The following ZCCHC7 variants were observed in gnomAD, a reference collection of about 807,000 sequenced individuals.
The protein encoded by ZCCHC7 is zinc finger CCHC-type containing 7.
A neutral mutation model predicts 52.0 loss-of-function variants in ZCCHC7; 35 were observed. The ratio of observed to expected loss-of-function variants is 0.67; its 90% CI spans 0.51 to 0.89. The LOEUF is 0.89. ZCCHC7 is among the 40% of genes least tolerant of loss of function. The pLI is 0.00. For synonymous variants in ZCCHC7, 217 were observed against 221.5 expected (o/e 0.98, Z 0.18); for missense variants, 574 against 649.1 (o/e 0.88, Z 1.26).
chr9:37,151,821 T>C (rs1436458039), intron 2 of ZCCHC7, among the ~76,000 whole-genome samples: 2 of 152,170 alleles, frequency 1.3e-5, no homozygotes, highest in East Asian at 3.9e-4. Context: ...AAAAAAAATC[T>C]TTTTTCTTCG....
intron 5 of ZCCHC7, chr9:37,326,786 CTAG>C (rs1430493340): frequency 6.6e-6 from 1 of 151,918 alleles, no homozygotes; most frequent in Non-Finnish European, 1.5e-5. Context: ...TTGTTTCAAA[CTAG>C]GTATCAAAAA....
chr9:37,120,646 C>T (rs1437159713), intron 1 of ZCCHC7, 23 bp downstream of exon 1: 1 of 393,652 alleles, frequency 2.5e-6, no homozygotes, highest in African/African-American at 2.1e-5. Flanking sequence ...GTGACGGACC[C>T]CCGCCGCCCG....
chr9:37,306,971 A>G (rs552099291), intron 5 of ZCCHC7, among the ~76,000 whole-genome samples: 63 of 150,916 alleles, frequency 4.2e-4, no homozygotes, highest in Non-Finnish European at 8.3e-4. Context: ...TATATTTAGT[A>G]GACAGCAGGG....
Position 37,126,779 on chromosome 9 carries a change from C to T in ZCCHC7, c.447C>T (p.Ile149=). Residue 149 remains isoleucine (I), a synonymous_variant, in exon 2 of 9, where the codon ATC becomes ATT. Coordinates refer to ENST00000336755, the MANE Select transcript of ZCCHC7 (RefSeq NM_032226.3). ...KPKSEERSGV[I]REVMIIEVSS... ...AATCTGAAGAGAGATCAGGTGTAAT[C>T]CGAGAGGTCATGATTATAGAGGTCA... 6.2e-7 allele frequency: 1 copy of T among 1,613,958 alleles called. No homozygotes were observed. The highest frequency in any genetic ancestry group is 8.5e-7 in the Non-Finnish European group (1 of 1,179,990).
At chr9:37,127,259 C>T (rs1842582331) in intron 2 of ZCCHC7, among the ~76,000 whole-genome samples, 1 of 152,096 alleles carries the variant, frequency 6.6e-6, no homozygotes, top group East Asian at 1.9e-4. Context: ...TGCTTGGTAC[C>T]ACAGGTGAGT....
intron 2 of ZCCHC7, among the ~76,000 whole-genome samples, chr9:37,204,651 G>A (rs1172089801): frequency 2.0e-5 from 3 of 152,136 alleles, no homozygotes; most frequent in African/African-American, 4.8e-5. Flanking sequence ...TCACTATTCT[G>A]TTCCACTGGT....
intron 5 of ZCCHC7, 93 bp from the exon 6 acceptor site, chr9:37,327,706 C>A: frequency 7.3e-7 from 1 of 1,364,726 alleles, no homozygotes; most frequent in Non-Finnish European, 1.0e-6. Context: ...TTTCCTGTGA[C>A]CGACACCGGT....
chr9:37,201,566 C>T (rs1026121281), intron 2 of ZCCHC7, among the ~76,000 whole-genome samples: 2 of 152,182 alleles, frequency 1.3e-5, no homozygotes, highest in African/African-American at 4.8e-5. Context: ...CACAAGATCA[C>T]TTTTTGTGTA....
chr9:37,307,417 A>C (rs1829378867), intron 5 of ZCCHC7, among the ~76,000 whole-genome samples: 1 of 152,286 alleles, frequency 6.6e-6, no homozygotes, highest in Admixed American at 6.5e-5. Flanking sequence ...ACAGCTAATC[A>C]GTACAAAGTC....
chr9:37,266,354 G>A (rs1255275360), intron 2 of ZCCHC7, among the ~76,000 whole-genome samples: 1 of 152,184 alleles, frequency 6.6e-6, no homozygotes, highest in East Asian at 1.9e-4. Flanking sequence ...GGAGCTCATA[G>A]TACAACTGTA....
intron 2 of ZCCHC7, among the ~76,000 whole-genome samples, chr9:37,229,342 C>G (rs1825286089): frequency 6.6e-6 from 1 of 152,122 alleles, no homozygotes; most frequent in Admixed American, 6.5e-5. Context: ...ATGTCACTTA[C>G]TGACAGGGAT....
At chr9:37,198,533 G>A (rs759858479) in intron 2 of ZCCHC7, among the ~76,000 whole-genome samples, 10 of 152,238 alleles carry the variant, frequency 6.6e-5, no homozygotes, top group East Asian at 1.9e-4. Flanking sequence ...GTGCTCACCC[G>A]TCTGTCTATT....
rs146451933 is a variant in ZCCHC7, at chr9:37,168,540, C to T, written c.610+41598C>T. ...AAGATAAGAATTCACTTTACATTTACGATCTCATATTTTGGCATATTCGGT... is the reference window on the plus strand; with the variant it reads ...AAGATAAGAATTCACTTTACATTTATGATCTCATATTTTGGCATATTCGGT... On this transcript the variant is annotated intron_variant, in intron 2 of 8. Transcript: ENST00000336755. Among the ~76,000 whole-genome samples the T allele has an allele frequency of 8.5e-5, 13 of 152,284 alleles. No homozygotes were observed. In the East Asian group the frequency reaches 1.2e-3, roughly 14 times the overall value.
intron 2 of ZCCHC7, among the ~76,000 whole-genome samples, chr9:37,241,648 C>T (rs1275139307): frequency 1.3e-5 from 2 of 151,724 alleles, no homozygotes; most frequent in Non-Finnish European, 3.0e-5. Context: ...CTAAAACACT[C>T]CATTTTGCAT....
chr9:37,277,731 A>C (rs1440530461), intron 2 of ZCCHC7, among the ~76,000 whole-genome samples: 1 of 152,200 alleles, frequency 6.6e-6, no homozygotes, highest in Non-Finnish European at 1.5e-5. Context: ...GCACCTGGAA[A>C]GTGAAGGGAA....
At chr9:37,242,418 T>A (rs2133361892) in intron 2 of ZCCHC7, among the ~76,000 whole-genome samples, 1 of 151,948 alleles carries the variant, frequency 6.6e-6, no homozygotes, top group East Asian at 1.9e-4. Context: ...ATATGCTATA[T>A]GTATGAGGGC....
At chr9:37,199,101 TC>T (rs1823450095) in intron 2 of ZCCHC7, among the ~76,000 whole-genome samples, 1 of 152,088 alleles carries the variant, frequency 6.6e-6, no homozygotes, top group Non-Finnish European at 1.5e-5. Context: ...GGGTTCTGTT[TC>T]CCATAGTAAT....
intron 7 of ZCCHC7, among the ~76,000 whole-genome samples, chr9:37,352,431 G>T (rs1194203784): frequency 4.6e-5 from 7 of 151,884 alleles, no homozygotes; most frequent in African/African-American, 1.7e-4. Context: ...CACGGGCTGG[G>T]AGAGTTAAAG....
intron 2 of ZCCHC7, among the ~76,000 whole-genome samples, chr9:37,140,888 G>A (rs970099032): frequency 6.6e-6 from 1 of 151,924 alleles, no homozygotes; most frequent in Non-Finnish European, 1.5e-5. Flanking sequence ...AAGGAGATAG[G>A]TTTGTGAAGC....
Sources: gnomAD v4.1 joint callset for allele counts (sites outside exome capture counted in the v4.1 genomes callset) on GRCh38, gnomAD v4.1.1 for gene constraint, MANE v1.5 for transcripts, NCBI Gene and HGNC (gene_info 2026-07-23, HGNC 2026-07-21) for gene names.